Variants in NTRK2 observed in about 807,000 individuals in gnomAD.
The protein encoded by NTRK2 is BDNF/NT-3 growth factors receptor.
In NTRK2, 13 loss-of-function variants were observed where a neutral mutation model predicts 94.5. That is an observed-to-expected ratio of 0.14 (90% CI 0.09 to 0.22). The LOEUF (loss-of-function observed/expected upper bound fraction) is 0.22. NTRK2 is among the 10% of genes least tolerant of loss of function. The pLI, the probability that NTRK2 is intolerant of heterozygous loss-of-function variation, is 1.00. For synonymous variants in NTRK2, 372 were observed against 407.4 expected (o/e 0.91, Z 1.05); for missense variants, 639 against 1,071.2 (o/e 0.60, Z 5.63).
intron 12 of NTRK2, among the ~76,000 whole-genome samples, chr9:84,777,140 T>C (rs2067127723): frequency 6.6e-6 from 1 of 152,178 alleles, no homozygotes; most frequent in Non-Finnish European, 1.5e-5. Context: ...TTAAGCCCCT[T>C]ACAGGAAAAG....
chr9:84,950,161 A>G (rs759174672), intron 16 of NTRK2, among the ~76,000 whole-genome samples: 1 of 152,210 alleles, frequency 6.6e-6, no homozygotes, highest in Non-Finnish European at 1.5e-5. Flanking sequence ...CGAATGGGGA[A>G]CGTTCAATAA....
intron 14 of NTRK2, among the ~76,000 whole-genome samples, chr9:84,922,014 A>G (rs898364677): frequency 6.6e-5 from 10 of 152,218 alleles, no homozygotes; most frequent in African/African-American, 2.4e-4. Context: ...TAAAATTAAA[A>G]AAATCTATGG....
At chr9:84,864,499 A>G (rs2075484040) in intron 13 of NTRK2, among the ~76,000 whole-genome samples, 1 of 152,152 alleles carries the variant, frequency 6.6e-6, no homozygotes, top group Non-Finnish European at 1.5e-5. Context: ...CAACTATTGA[A>G]ATAAAAAGAA....
intron 12 of NTRK2, among the ~76,000 whole-genome samples, chr9:84,805,024 G>A (rs781141051): frequency 6.6e-6 from 1 of 152,152 alleles, no homozygotes; most frequent in Non-Finnish European, 1.5e-5. Context: ...ATGGGGCAAT[G>A]GTATCAGTCT....
rs2073754353 is a variant in NTRK2, at chr9:84,834,486, A to G, written c.1397-26554A>G. Among the ~76,000 whole-genome samples, 3 of 152,106 alleles carry G rather than the reference A, an allele frequency of 2.0e-5. No homozygotes were observed. The East Asian group carries it at 5.8e-4, about 29-fold the overall frequency. On this transcript the variant is annotated intron_variant, in intron 12 of 18. Coordinates refer to ENST00000277120, the MANE Select transcript of NTRK2 (RefSeq NM_006180.6). ...CTTAAGTCACTGTTAACAAGGAGGG[A>G]GTTGACCACTAATTACATTTTTTCC... is the stretch of plus-strand genomic sequence containing the variant.
intron 2 of NTRK2, among the ~76,000 whole-genome samples, chr9:84,684,654 G>A (rs545346991): frequency 5.9e-5 from 9 of 152,270 alleles, no homozygotes; most frequent in South Asian, 4.1e-4. Context: ...ACTATTTGTC[G>A]TTGAACTTTT....
intron 14 of NTRK2, among the ~76,000 whole-genome samples, chr9:84,931,520 T>C (rs1323230878): frequency 6.6e-6 from 1 of 151,936 alleles, no homozygotes; most frequent in East Asian, 1.9e-4. Flanking sequence ...ACAAAGCAGA[T>C]AAATGCAAAT....
At chr9:84,733,245 C>G (rs1434061935) in intron 9 of NTRK2, among the ~76,000 whole-genome samples, 3 of 152,222 alleles carry the variant, frequency 2.0e-5, no homozygotes, top group Non-Finnish European at 4.4e-5. Context: ...TCCTTGTTCT[C>G]TCCTTCCGGG....
At chr9:84,958,132 T>G (rs1824397126) in intron 17 of NTRK2, among the ~76,000 whole-genome samples, 1 of 152,134 alleles carries the variant, frequency 6.6e-6, no homozygotes, top group African/African-American at 2.4e-5. Context: ...ACAGGGTTTC[T>G]TTTGGGGGTG....
chr9:84,847,554 C>G (rs758648553), intron 12 of NTRK2, among the ~76,000 whole-genome samples: 42 of 152,276 alleles, frequency 2.8e-4, no homozygotes, highest in Non-Finnish European at 5.4e-4. Context: ...CTTTCATCCA[C>G]TCTTGATGCT....
chr9:84,822,890 C>T (rs2072941209), intron 12 of NTRK2, among the ~76,000 whole-genome samples: 1 of 152,168 alleles, frequency 6.6e-6, no homozygotes, highest in Non-Finnish European at 1.5e-5. Flanking sequence ...GCATTCTCAA[C>T]AGTAGACACT....
intron 14 of NTRK2, among the ~76,000 whole-genome samples, chr9:84,922,581 CT>C (rs1456418802): frequency 6.6e-6 from 1 of 152,184 alleles, no homozygotes; most frequent in Admixed American, 6.5e-5. Flanking sequence ...AGCTGCATAA[CT>C]TTGGGCACCT....
Position 84,745,014 on chromosome 9 carries a change from A to G in NTRK2, c.1237A>G (p.Arg413Gly), listed in dbSNP as rs1299400371. Residue 413 changes from arginine (R) to glycine (G), a missense_variant, in exon 11 of 19, where the codon AGA becomes GGA. Physicochemically the swap from Arg to Gly is moderately radical, Grantham distance 125 (BLOSUM62 -2). Coordinates refer to ENST00000277120, the MANE Select transcript of NTRK2 (RefSeq NM_006180.6). ...GAATGACATCGGGGACACCACGAAC[A>G]GAAGTAATGAAATCCCTTCCACAGA... ...AANDIGDTTN[R>G]SNEIPSTDVT... The G allele has an allele frequency of 3.1e-6, 5 of 1,613,772 alleles. No homozygotes were observed.
intron 14 of NTRK2, among the ~76,000 whole-genome samples, chr9:84,906,685 G>A (rs2077085492): frequency 6.6e-6 from 1 of 152,172 alleles, no homozygotes; most frequent in African/African-American, 2.4e-5. Context: ...GAGCTCTAGG[G>A]TTAGTGGATG....
intron 12 of NTRK2, among the ~76,000 whole-genome samples, chr9:84,755,789 T>C (rs1011213426): frequency 4.6e-5 from 7 of 152,118 alleles, no homozygotes; most frequent in African/African-American, 1.4e-4. Flanking sequence ...AAGTGCTAGA[T>C]TGGGGATTTT....
At position 84,708,873 on chromosome 9, in the gene NTRK2, A is replaced by AGGC. The variant is rs2061265424; in HGVS notation, c.428+961_428+962insGGC. On this transcript the variant is annotated intron_variant, in intron 5 of 18. Transcript: ENST00000277120. ...AGTGAATTCAGGACGTTGAAGCACTAATGCTTCTAACACAGGAATAGGCAT... is the reference window on the plus strand; with the variant it reads ...AGTGAATTCAGGACGTTGAAGCACTAGGCATGCTTCTAACACAGGAATAGGCAT... 4.6e-5 allele frequency among the ~76,000 whole-genome samples: 7 copies of AGGC among 152,368 alleles called. No individual in the cohort carries two copies. The South Asian group carries it at 1.4e-3, about 32-fold the overall frequency.
chr9:84,845,085 C>T (rs993976617), intron 12 of NTRK2, among the ~76,000 whole-genome samples: 6 of 152,092 alleles, frequency 3.9e-5, no homozygotes, highest in South Asian at 2.1e-4. Context: ...AACTACCATT[C>T]GATCCAGCAC....
At chr9:84,998,284 A>G (rs567900162) in intron 17 of NTRK2, among the ~76,000 whole-genome samples, 3 of 152,296 alleles carry the variant, frequency 2.0e-5, no homozygotes, top group East Asian at 1.9e-4. Flanking sequence ...CCCCACTTCA[A>G]GGGGCACTTA....
At chr9:84,726,268 C>G (rs890470228) in intron 8 of NTRK2, among the ~76,000 whole-genome samples, 1 of 152,180 alleles carries the variant, frequency 6.6e-6, no homozygotes, top group Admixed American at 6.5e-5. Flanking sequence ...GGGTGGATCA[C>G]TTGAGATCAG....
Sources: gnomAD v4.1 joint callset for allele counts (sites outside exome capture counted in the v4.1 genomes callset) on GRCh38, gnomAD v4.1.1 for gene constraint, MANE v1.5 for transcripts, NCBI Gene and HGNC (gene_info 2026-07-23, HGNC 2026-07-21) for gene names.